The following LRP5 variants were observed in gnomAD, a reference collection of about 807,000 sequenced individuals.
LRP5 encodes low-density lipoprotein receptor-related protein 5.
A neutral mutation model predicts 154.1 loss-of-function variants in LRP5; 62 were observed. The ratio of observed to expected loss-of-function variants is 0.40; its 90% CI spans 0.33 to 0.50. The LOEUF (loss-of-function observed/expected upper bound fraction) is 0.50, where lower values mean the gene tolerates loss of function less well. LRP5 is among the 20% of genes least tolerant of loss of function. The pLI, the probability that LRP5 is intolerant of heterozygous loss-of-function variation, is 0.55. For missense variants in LRP5, 1,915 were observed against 2,336.7 expected (o/e 0.82, Z 3.72); for synonymous variants, 966 against 1,011.5 (o/e 0.96, Z 0.85).
At chr11:68,321,371 G>A (rs769857548) in intron 1 of LRP5, among the ~76,000 whole-genome samples, 2 of 152,116 alleles carry the variant, frequency 1.3e-5, no homozygotes, top group South Asian at 2.1e-4. Context: ...CTGCTTGCAC[G>A]TTTATGCTTT....
intron 3 of LRP5, among the ~76,000 whole-genome samples, chr11:68,360,390 C>T (rs1220141727): frequency 1.5e-5 from 2 of 133,604 alleles, no homozygotes; most frequent in Non-Finnish European, 3.2e-5. Context: ...CTAGTCCCAG[C>T]CAGGGTTGGA....
chr11:68,407,977 C>T (rs1056715446), intron 9 of LRP5, among the ~76,000 whole-genome samples: 7 of 152,326 alleles, frequency 4.6e-5, no homozygotes, highest in Admixed American at 6.5e-5. Flanking sequence ...ATGTGCCATC[C>T]GCCCCTTTAC....
chr11:68,386,583 G>A lies in LRP5; in HGVS notation c.1283G>A (p.Arg428Gln), dbSNP rs770223547. ...PDGIAVDWVA[R>Q]NLYWTDTGTD... ...GGCATCGCGGTCGACTGGGTGGCCC[G>A]AAACCTCTACTGGACCGACACGGGC... The change falls in exon 6 of 23, where the codon CGA becomes CAA. Residue 428 changes from arginine (R) to glutamine (Q), a missense_variant. By Grantham distance (43) the Arg-to-Gln change is conservative (BLOSUM62 1). This residue lies in a region of LRP5 where 773 missense variants were observed against 1,100.9 expected (regional missense o/e 0.70). Coordinates refer to ENST00000294304, the MANE Select transcript of LRP5 (RefSeq NM_002335.4). The surrounding 1 kb of genome is among the most constrained non-coding windows in gnomAD (Gnocchi z 7.9). The A allele has an allele frequency of 2.9e-5, 47 of 1,613,666 alleles. No individual in the cohort carries two copies. The highest frequency in any genetic ancestry group is 6.7e-5 in the Admixed American group (4 of 59,992).
chr11:68,399,005 C>G (rs1037823419), intron 7 of LRP5, among the ~76,000 whole-genome samples: 2 of 152,122 alleles, frequency 1.3e-5, no homozygotes, highest in East Asian at 1.9e-4. Context: ...GCTCGAGCCA[C>G]GGAGCCCAGC....
At position 68,338,279 on chromosome 11, in the gene LRP5, G is replaced by C. The variant is rs542179849; in HGVS notation, c.92-9568G>C. Among the ~76,000 whole-genome samples, 194 of 152,320 alleles carry C rather than the reference G, an allele frequency of 1.3e-3. 1 individual carries two copies. The highest frequency in any genetic ancestry group is 3.3e-3 in the African/African-American group (138 of 41,576). On this transcript the variant is annotated intron_variant, in intron 1 of 22. Transcript: ENST00000294304. ...TTGCTTATTTTGGTATAGTAGCAAA[G>C]GATTGGGTTACCTTGAATTGAGTCT...
At position 68,426,114 on chromosome 11, in the gene LRP5, G is replaced by T; in HGVS notation, c.3564G>T (p.Arg1188=). The T allele has an allele frequency of 6.2e-7, 1 of 1,613,328 alleles. No homozygotes were observed. The change falls in exon 16 of 23, where the codon CGG becomes CGT. Residue 1188 remains arginine (R), a synonymous_variant. Transcript: ENST00000294304. ...TGGAGAAGACCACCGGGGACAAGCG[G>T]ACTCGCATCCAGGGCCGTGTCGCCC... The part of the protein sequence containing the change: ...ERVEKTTGDK[R]TRIQGRVAHL...
chr11:68,398,697 A>G (rs541722496), intron 7 of LRP5, among the ~76,000 whole-genome samples: 2 of 151,942 alleles, frequency 1.3e-5, no homozygotes, highest in South Asian at 4.2e-4. Context: ...ATTATATGGA[A>G]TTCAAAAAAA....
In LRP5 at chr11:68,423,466, G is replaced by A; in HGVS notation, c.3028-23G>A. ...CAGGGGTCTCCGCCAGTGCTCAGGA[G>A]TCTTGGTTTCTTTGTCTTACAGCCC... On this transcript the variant is annotated intron_variant, in intron 13 of 22. Transcript: ENST00000294304. The surrounding 1 kb of genome is among the most constrained non-coding windows in gnomAD (Gnocchi z 4.7). 6.2e-7 allele frequency: 1 copy of A among 1,611,218 alleles called. No individual in the cohort carries two copies. The highest frequency in any genetic ancestry group is 8.5e-7 in the Non-Finnish European group (1 of 1,177,356).
At chr11:68,302,178 T>G in the LRP5 span, among the ~76,000 whole-genome samples, 3 of 151,090 alleles carry the variant, frequency 2.0e-5, no homozygotes, top group South Asian at 4.2e-4. Flanking sequence ...CCATCTCATC[T>G]CTACTAGAAA....
At chr11:68,377,781 C>T (rs2098638155) in intron 5 of LRP5, among the ~76,000 whole-genome samples, 2 of 152,164 alleles carry the variant, frequency 1.3e-5, no homozygotes, top group Admixed American at 6.5e-5. Context: ...AGAAGGAGGC[C>T]CTGGAGCTGG....
At chr11:68,324,824 G>C (rs1458335721) in intron 1 of LRP5, among the ~76,000 whole-genome samples, 2 of 152,208 alleles carry the variant, frequency 1.3e-5, no homozygotes, top group South Asian at 2.1e-4. Flanking sequence ...CCCGTGGGCT[G>C]TGGGTCCCTG....
chr11:68,378,279 T>C (rs2098638474), intron 5 of LRP5, among the ~76,000 whole-genome samples: 1 of 152,254 alleles, frequency 6.6e-6, no homozygotes. Flanking sequence ...CTCCTGGCTC[T>C]GGCAGGGGTG....
chr11:68,357,931 C>T (rs2098624577), intron 3 of LRP5, 84 bp downstream of exon 3: 11 of 1,294,916 alleles, frequency 8.5e-6, no homozygotes, highest in Non-Finnish European at 1.2e-5. Context: ...CTCAGGCCTA[C>T]AGACTCTTCT....
intron 1 of LRP5, among the ~76,000 whole-genome samples, chr11:68,318,113 G>C (rs1409975190): frequency 6.6e-6 from 1 of 150,398 alleles, no homozygotes; most frequent in East Asian, 2.0e-4. Flanking sequence ...GGAGTGCAGC[G>C]GTGTGATCTC....
chr11:68,370,362 G>C (rs117285208), intron 5 of LRP5, among the ~76,000 whole-genome samples: 5 of 152,184 alleles, frequency 3.3e-5, no homozygotes, highest in Admixed American at 1.3e-4. Flanking sequence ...CGGGGGAGAG[G>C]GGGGGACAGG....
chr11:68,355,825 C>T (rs2153134897), intron 2 of LRP5, among the ~76,000 whole-genome samples: 1 of 152,230 alleles, frequency 6.6e-6, no homozygotes, highest in South Asian at 2.1e-4. Flanking sequence ...GGTTCAGGGT[C>T]CATCCCAGCC....
chr11:68,300,682 C>T, the LRP5 span, among the ~76,000 whole-genome samples: 3 of 149,332 alleles, frequency 2.0e-5, no homozygotes, highest in Non-Finnish European at 4.5e-5. Flanking sequence ...AGGGGGACCT[C>T]GCCCTTGGTG....
intron 13 of LRP5, 24 bp downstream of exon 13, chr11:68,416,551 C>G (rs367557491): frequency 6.2e-7 from 1 of 1,611,214 alleles, no homozygotes. Flanking sequence ...GGGAAGGGTG[C>G]GGGGTGTGCT....
At chr11:68,372,551 C>T (rs552202490) in intron 5 of LRP5, among the ~76,000 whole-genome samples, 14 of 152,248 alleles carry the variant, frequency 9.2e-5, no homozygotes, top group South Asian at 4.1e-4. Context: ...TTTTTGTCAT[C>T]GTGTTGGGAG....
Sources: gnomAD v4.1 joint callset for allele counts (sites outside exome capture counted in the v4.1 genomes callset) on GRCh38, gnomAD v4.1.1 for gene constraint, gnomAD v4.1.1 regional missense constraint, Gnocchi (gnomAD v3.1) non-coding constraint, MANE v1.5 for transcripts, NCBI Gene and HGNC (gene_info 2026-07-23, HGNC 2026-07-21) for gene names.